FHOD3: variants seen among roughly 807,000 people sequenced by gnomAD.
The protein encoded by FHOD3 is FH1/FH2 domain-containing protein 3.
FHOD3 carries 90 observed loss-of-function variants against 173.0 expected under a neutral mutation model. The observed-to-expected ratio is 0.52, with a 90% confidence interval of 0.44 to 0.62. The LOEUF (loss-of-function observed/expected upper bound fraction) is 0.62, where lower values mean the gene tolerates loss of function less well. FHOD3 is among the 20% of genes least tolerant of loss of function. The pLI, the probability that FHOD3 is intolerant of heterozygous loss-of-function variation, is 0.00. For synonymous variants in FHOD3, 828 were observed against 823.0 expected, an observed-to-expected ratio of 1.01 and a Z score of -0.10; for missense variants, 1,945 against 2,034.7, an observed-to-expected ratio of 0.96 and a Z score of 0.85.
chr18:36,361,846 A>G (rs1265251978), intron 2 of FHOD3, among the ~76,000 whole-genome samples: 1 of 152,140 alleles, frequency 6.6e-6, no homozygotes, highest in Non-Finnish European at 1.5e-5. Flanking sequence ...TCATGAAATC[A>G]GAACTCAGGG....
intron 1 of FHOD3, among the ~76,000 whole-genome samples, chr18:36,331,184 A>C (rs1196672242): frequency 6.6e-6 from 1 of 152,206 alleles, no homozygotes; most frequent in East Asian, 1.9e-4. Flanking sequence ...CTGACATTTG[A>C]AACAGGCTTC....
At chr18:36,434,345 C>T (rs1184756528) in intron 3 of FHOD3, among the ~76,000 whole-genome samples, 2 of 152,172 alleles carry the variant, frequency 1.3e-5, no homozygotes, top group African/African-American at 2.4e-5. Flanking sequence ...TATATTGGCA[C>T]GTAGGTTGAA....
At chr18:36,641,525 G>A (rs1025442197) in intron 10 of FHOD3, among the ~76,000 whole-genome samples, 6 of 152,156 alleles carry the variant, frequency 3.9e-5, no homozygotes, top group African/African-American at 1.2e-4. Context: ...GTCTTTTTGG[G>A]TAGCTTGGGC....
At chr18:36,378,923 G>C (rs1029906455) in intron 3 of FHOD3, among the ~76,000 whole-genome samples, 2 of 152,104 alleles carry the variant, frequency 1.3e-5, no homozygotes, top group Non-Finnish European at 2.9e-5. Flanking sequence ...GACCTCAGGC[G>C]ATCTGCCCAC....
chr18:36,327,889 A>G (rs545537839), intron 1 of FHOD3, among the ~76,000 whole-genome samples: 1 of 152,264 alleles, frequency 6.6e-6, no homozygotes, highest in Non-Finnish European at 1.5e-5. Context: ...CAATACTTAA[A>G]CCAATGTGTA....
rs541647625 is a variant in FHOD3, at chr18:36,746,802, A to G, written c.4042-143A>G. 86 of 573,868 alleles carry G rather than the reference A, an allele frequency of 1.5e-4. 1 individual carries two copies. The highest frequency in any genetic ancestry group is 1.3e-3 in the African/African-American group (71 of 52,690). 35.5% of individuals were successfully genotyped at this position (573,868 alleles called of 1,614,324 possible). A position where few individuals can be genotyped will look rare whatever the true frequency, so the allele number is the denominator to read the frequency against. ...ATAATGACAGATACACATGTGAATA[A>G]TTTTTAGGCTGTAAATATGTTTGCA... On this transcript the variant is annotated intron_variant, in intron 23 of 28. Transcript: ENST00000590592.
At chr18:36,608,983 A>T (rs1211566461) in intron 8 of FHOD3, among the ~76,000 whole-genome samples, 1 of 152,388 alleles carries the variant, frequency 6.6e-6, no homozygotes, top group Non-Finnish European at 1.5e-5. Context: ...TGGCTTTGCC[A>T]CAATGGTTTT....
At chr18:36,327,196 C>T (rs2044716065) in intron 1 of FHOD3, among the ~76,000 whole-genome samples, 1 of 152,192 alleles carries the variant, frequency 6.6e-6, no homozygotes, top group Non-Finnish European at 1.5e-5. Flanking sequence ...TCATTGACTT[C>T]ATCACCTTTG....
chr18:36,492,629 G>A (rs1285530544), intron 3 of FHOD3, among the ~76,000 whole-genome samples: 1 of 152,172 alleles, frequency 6.6e-6, no homozygotes, highest in African/African-American at 2.4e-5. Context: ...TATTTAAAAT[G>A]TGATTATAAT....
intron 3 of FHOD3, among the ~76,000 whole-genome samples, chr18:36,425,690 A>G (rs943282342): frequency 6.6e-6 from 1 of 152,136 alleles, no homozygotes; most frequent in African/African-American, 2.4e-5. Context: ...TTTTAATGAA[A>G]ATTCTTGTTA....
chr18:36,375,922 G>A (rs934044353), intron 3 of FHOD3, among the ~76,000 whole-genome samples: 2 of 152,344 alleles, frequency 1.3e-5, no homozygotes, highest in East Asian at 1.9e-4. Context: ...AGCGAACGCT[G>A]CACTTGCCTT....
At chr18:36,333,566 C>T (rs1251299005) in intron 1 of FHOD3, among the ~76,000 whole-genome samples, 2 of 152,242 alleles carry the variant, frequency 1.3e-5, no homozygotes, top group South Asian at 2.1e-4. Flanking sequence ...GAACAGTCCA[C>T]CACGTTTACA....
rs80064137 is a variant in FHOD3, at chr18:36,720,702, C to T, written c.3417+1987C>T. On this transcript the variant is annotated intron_variant, in intron 19 of 28. Transcript: ENST00000590592. Reference sequence around the variant, plus strand: ...GAATATTCCTCCTCCCCCTCCTTCTCCTCCTCCTCCTCCTTCTCTTCCTCC... The same window carrying T: ...GAATATTCCTCCTCCCCCTCCTTCTTCTCCTCCTCCTCCTTCTCTTCCTCC... Among the ~76,000 whole-genome samples the T allele has an allele frequency of 2.8e-3, 418 of 150,708 alleles. 10 individuals are homozygous for T. The East Asian group carries it at 0.068, about 24-fold the overall frequency.
chr18:36,315,989 G>C (rs1301606230), intron 1 of FHOD3, among the ~76,000 whole-genome samples: 2 of 152,168 alleles, frequency 1.3e-5, no homozygotes, highest in East Asian at 3.9e-4. Context: ...ATGAGTAAGA[G>C]CAGAGCTAAT....
chr18:36,645,697 A>G (rs2149036493), intron 10 of FHOD3, among the ~76,000 whole-genome samples: 1 of 152,340 alleles, frequency 6.6e-6, no homozygotes, highest in South Asian at 2.1e-4. Flanking sequence ...TTAATAAATT[A>G]AGAAATAGAA....
chr18:36,448,610 G>C (rs1409004079), intron 3 of FHOD3, among the ~76,000 whole-genome samples: 2 of 152,136 alleles, frequency 1.3e-5, no homozygotes, highest in African/African-American at 4.8e-5. Flanking sequence ...GTGTGAGGGA[G>C]GGTTTTGTTT....
intron 3 of FHOD3, among the ~76,000 whole-genome samples, chr18:36,380,567 CTTTT>C (rs1188072951): frequency 8.6e-4 from 93 of 108,620 alleles, no homozygotes; most frequent in African/African-American, 2.6e-3. Context: ...CTTTTCTTTT[CTTTT>C]CTTTTCTTTT....
chr18:36,430,124 C>A (rs748029725), intron 3 of FHOD3, among the ~76,000 whole-genome samples: 1 of 152,188 alleles, frequency 6.6e-6, no homozygotes, highest in Non-Finnish European at 1.5e-5. Flanking sequence ...AGATATAGGA[C>A]TATGTCAGCC....
At chr18:36,381,789 C>A (rs876141) in intron 3 of FHOD3, among the ~76,000 whole-genome samples, 10 of 152,286 alleles carry the variant, frequency 6.6e-5, no homozygotes, top group Admixed American at 6.5e-4. Context: ...AAATGGATTC[C>A]TTTGCCCTGT....
Sources: allele counts gnomAD v4.1 joint callset (sites outside exome capture counted in the v4.1 genomes callset), GRCh38; gene constraint gnomAD v4.1.1; transcripts MANE v1.5; gene names NCBI Gene and HGNC (gene_info 2026-07-23, HGNC 2026-07-21).